Variants in SH2D4A observed in about 807,000 individuals in gnomAD.
The protein encoded by SH2D4A is SH2 domain-containing protein 4A.
In SH2D4A, 70 loss-of-function variants were observed where a neutral mutation model predicts 64.7. That is an observed-to-expected ratio of 1.08 (90% CI 0.89 to 1.32). The LOEUF (loss-of-function observed/expected upper bound fraction) is 1.32. SH2D4A is among the 40% of genes most tolerant of loss of function. SH2D4A has a pLI of 0.00. For synonymous variants in SH2D4A, 268 were observed against 200.7 expected (o/e 1.34, Z -2.83); for missense variants, 706 against 540.1 (o/e 1.31, Z -3.04).
intron 4 of SH2D4A, among the ~76,000 whole-genome samples, chr8:19,337,241 C>T (rs374264399): frequency 1.3e-5 from 2 of 152,262 alleles, no homozygotes; most frequent in South Asian, 2.1e-4. Context: ...GGCCACACAG[C>T]GAGGAGCCTG....
Position 19,364,205 on chromosome 8 carries a change from G to T in SH2D4A, c.840G>T (p.Pro280=). ...GERLQSPLRV[P]QKPERPPLPP... ...GGCTGCAAAGCCCCTTGCGTGTTCCGCAGAAACCAGAAAGACCTCCCCTTC... is the reference window on the plus strand; with the variant it reads ...GGCTGCAAAGCCCCTTGCGTGTTCCTCAGAAACCAGAAAGACCTCCCCTTC... Residue 280 remains proline (P), a synonymous_variant, in exon 7 of 10, where the codon CCG becomes CCT. Transcript: ENST00000265807. The T allele has an allele frequency of 1.2e-6, 2 of 1,614,156 alleles. No individual in the cohort carries two copies. Among genetic ancestry groups the T allele is most frequent in the East Asian group, 4.5e-5 (2 of 44,874 alleles).
At chr8:19,328,973 G>A (rs1187634601) in intron 2 of SH2D4A, among the ~76,000 whole-genome samples, 4 of 152,130 alleles carry the variant, frequency 2.6e-5, no homozygotes, top group Non-Finnish European at 5.9e-5. Flanking sequence ...AGGTGTGTGG[G>A]ACCCTGTGCC....
intron 4 of SH2D4A, among the ~76,000 whole-genome samples, chr8:19,345,416 C>T (rs2052597738): frequency 6.6e-6 from 1 of 152,228 alleles, no homozygotes; most frequent in Non-Finnish European, 1.5e-5. Flanking sequence ...AGAAGGGTTG[C>T]CATACCGTTT....
Position 19,389,590 on chromosome 8 carries a change from C to T in SH2D4A, c.1049-3728C>T, listed in dbSNP as rs368910111. Among the ~76,000 whole-genome samples, 12 of 152,270 alleles carry T rather than the reference C, an allele frequency of 7.9e-5. No individual in the cohort carries two copies. The South Asian group carries it at 1.0e-3, about 13-fold the overall frequency. On this transcript the variant is annotated intron_variant, in intron 8 of 9. Transcript: ENST00000265807. Reference sequence around the variant, plus strand: ...GCCAGACACTGCCCATCAGACCTCACGCAGTGACATCTACTTTCTTGTGGG... The same window carrying T: ...GCCAGACACTGCCCATCAGACCTCATGCAGTGACATCTACTTTCTTGTGGG...
intron 8 of SH2D4A, among the ~76,000 whole-genome samples, chr8:19,378,009 G>A (rs118127260): frequency 0.012 from 1,881 of 152,204 alleles, 16 homozygotes; most frequent in Non-Finnish European, 0.019. Context: ...TCCTCACAAT[G>A]GAATCTTCTT....
chr8:19,376,732 C>A (rs2053202393), intron 8 of SH2D4A, among the ~76,000 whole-genome samples: 1 of 152,116 alleles, frequency 6.6e-6, no homozygotes, highest in African/African-American at 2.4e-5. Flanking sequence ...GTCAAGTTGA[C>A]CCATAAAATT....
intron 9 of SH2D4A, among the ~76,000 whole-genome samples, chr8:19,394,319 T>C (rs565793282): frequency 2.3e-4 from 35 of 152,250 alleles, no homozygotes; most frequent in Non-Finnish European, 3.4e-4. Flanking sequence ...GGCCCTGGGG[T>C]TGGGGACCCC....
At chr8:19,371,361 T>G (rs1156341289) in intron 7 of SH2D4A, among the ~76,000 whole-genome samples, 1 of 152,174 alleles carries the variant, frequency 6.6e-6, no homozygotes, top group East Asian at 1.9e-4. Context: ...TTGCATTTTT[T>G]TTTTCCTTCA....
intron 8 of SH2D4A, among the ~76,000 whole-genome samples, chr8:19,391,105 G>A (rs1223316301): frequency 6.6e-6 from 1 of 152,110 alleles, no homozygotes; most frequent in African/African-American, 2.4e-5. Flanking sequence ...ACTTTTCAGG[G>A]TCATTGAAAA....
At chr8:19,390,373 A>G (rs765633177) in intron 8 of SH2D4A, among the ~76,000 whole-genome samples, 12 of 152,190 alleles carry the variant, frequency 7.9e-5, no homozygotes, top group Admixed American at 3.3e-4. Context: ...TGTTTAAAAA[A>G]AAGAAAACGT....
At chr8:19,346,719 C>G (rs936466984) in intron 4 of SH2D4A, among the ~76,000 whole-genome samples, 2 of 152,138 alleles carry the variant, frequency 1.3e-5, no homozygotes, top group Admixed American at 1.3e-4. Flanking sequence ...GCAACACTGA[C>G]TCTTTACAAA....
intron 8 of SH2D4A, among the ~76,000 whole-genome samples, chr8:19,387,945 G>C (rs779476555): frequency 6.6e-6 from 1 of 152,164 alleles, no homozygotes; most frequent in Non-Finnish European, 1.5e-5. Flanking sequence ...TCTGATCCTT[G>C]ACTCATTAAG....
intron 2 of SH2D4A, among the ~76,000 whole-genome samples, chr8:19,328,296 G>A (rs2052314510): frequency 6.6e-6 from 1 of 151,956 alleles, no homozygotes; most frequent in South Asian, 2.1e-4. Context: ...GATGTCGATT[G>A]AAAGTCCTCA....
Position 19,334,837 on chromosome 8 carries a change from C to G in SH2D4A, c.493C>G (p.Leu165Val), listed in dbSNP as rs1333480452. The change falls in exon 4 of 10, where the codon CTG becomes GTG. Residue 165 changes from leucine to valine, a missense_variant. By Grantham distance (32) the Leu-to-Val change is conservative. Coordinates refer to ENST00000265807, the MANE Select transcript of SH2D4A (RefSeq NM_022071.4). ...LEQGSRPAPT[L>V]EEEKIRSLSS... ...GCAAGGATCGAGGCCAGCACCAACC[C>G]TGGAAGAAGAGAAAATCCGAGTGAG... 3 of 1,604,702 alleles carry G rather than the reference C, an allele frequency of 1.9e-6. No homozygotes were observed. In the South Asian group the frequency reaches 3.4e-5, roughly 18 times the overall value.
chr8:19,331,511 C>T (rs976726849), intron 2 of SH2D4A, among the ~76,000 whole-genome samples: 3 of 152,106 alleles, frequency 2.0e-5, no homozygotes, highest in Admixed American at 6.5e-5. Flanking sequence ...GGAGCATGAC[C>T]GATGTGGCCG....
chr8:19,352,704 A>T (rs1355567640), intron 4 of SH2D4A, among the ~76,000 whole-genome samples: 1 of 152,124 alleles, frequency 6.6e-6, no homozygotes, highest in East Asian at 1.9e-4. Flanking sequence ...CTGTCCTCCT[A>T]CCTATTAACA....
chr8:19,382,180 G>A (rs934273276), intron 8 of SH2D4A, among the ~76,000 whole-genome samples: 1 of 152,092 alleles, frequency 6.6e-6, no homozygotes, highest in Admixed American at 6.6e-5. Context: ...TGCATGGCAG[G>A]TTTAGTGGTA....
At chr8:19,382,820 A>ATTTTTTTT (rs2053318237) in intron 8 of SH2D4A, among the ~76,000 whole-genome samples, 7 of 85,892 alleles carry the variant, frequency 8.1e-5, no homozygotes, top group Non-Finnish European at 1.5e-4. Flanking sequence ...TGCTTTTAAG[A>ATTTTTTTT]TTCTTTTTTT....
chr8:19,373,455 T>TATATATATATATATATACACACACCC lies in SH2D4A; in HGVS notation c.918-65_918-64insATATATACACACACCCATATATATAT, dbSNP rs1554485279. 163 of 962,394 alleles carry TATATATATATATATATACACACACCC rather than the reference T, an allele frequency of 1.7e-4. No individual in the cohort carries two copies. In the African/African-American group the frequency reaches 2.6e-3, roughly 15 times the overall value. 59.6% of individuals were successfully genotyped at this position (962,394 alleles called of 1,614,324 possible). On this transcript the variant is annotated intron_variant, in intron 7 of 9. Transcript: ENST00000265807. ...ATGTATGTGTGTGTGTATATATATA[T>TATATATATATATATATACACACACCC]ATATATATATGACTTTTGAGGGCAT...
Sources: allele counts gnomAD v4.1 joint callset (sites outside exome capture counted in the v4.1 genomes callset), GRCh38; gene constraint gnomAD v4.1.1; transcripts MANE v1.5; gene names NCBI Gene and HGNC (gene_info 2026-07-23, HGNC 2026-07-21).